NEGR1: variants seen among roughly 807,000 people sequenced by gnomAD.
The protein encoded by NEGR1 is IgLON family member 4.
A neutral mutation model predicts 40.9 loss-of-function variants in NEGR1; 10 were observed. The ratio of observed to expected loss-of-function variants is 0.24; its 90% CI spans 0.15 to 0.42. The LOEUF is 0.42. Among genes scored for constraint, NEGR1 ranks in the 10% least tolerant of loss-of-function variants. The probability of loss-of-function intolerance (pLI) is 1.00; values close to 1 mark genes in which losing one functional copy is unlikely to be tolerated. For missense variants in NEGR1, 352 were observed against 438.9 expected (o/e 0.80, Z 1.77); for synonymous variants, 185 against 166.8 (o/e 1.11, Z -0.84).
intron 2 of NEGR1, among the ~76,000 whole-genome samples, chr1:71,844,943 G>A (rs1221519232): frequency 2.0e-5 from 3 of 152,112 alleles, no homozygotes; most frequent in Non-Finnish European, 4.4e-5. Flanking sequence ...CCTTCTATAG[G>A]AGTTCAGATT....
chr1:71,524,315 A>AGTATGT (rs1647190852), intron 6 of NEGR1, among the ~76,000 whole-genome samples: 1 of 140,566 alleles, frequency 7.1e-6, no homozygotes, highest in Admixed American at 7.2e-5. Flanking sequence ...TTTAAATAGG[A>AGTATGT]GTGTGTGTGT....
intron 4 of NEGR1, among the ~76,000 whole-genome samples, chr1:71,696,204 C>T (rs911286057): frequency 2.0e-5 from 3 of 151,656 alleles, no homozygotes; most frequent in Non-Finnish European, 4.4e-5. Context: ...CAAGTTTCTG[C>T]CTCCTTAAGT....
chr1:71,817,540 A>G (rs1019321910), intron 2 of NEGR1, among the ~76,000 whole-genome samples: 1 of 152,066 alleles, frequency 6.6e-6, no homozygotes, highest in Non-Finnish European at 1.5e-5. Flanking sequence ...CTGGACAGTC[A>G]ATACCAGGAC....
chr1:71,976,992 G>T (rs1265754027), intron 1 of NEGR1, among the ~76,000 whole-genome samples: 2 of 152,094 alleles, frequency 1.3e-5, no homozygotes, highest in African/African-American at 2.4e-5. Context: ...TTAGATAATA[G>T]TTACAGAATT....
chr1:71,875,159 T>C (rs1400377428), intron 2 of NEGR1, among the ~76,000 whole-genome samples: 15 of 152,146 alleles, frequency 9.9e-5, no homozygotes, highest in Admixed American at 9.8e-4. Flanking sequence ...GTTTTTCGTT[T>C]CTATAAAAGT....
chr1:71,580,316 G>C (rs540677037), intron 6 of NEGR1, among the ~76,000 whole-genome samples: 1 of 150,504 alleles, frequency 6.6e-6, no homozygotes, highest in African/African-American at 2.5e-5. Flanking sequence ...GTGGGGCATG[G>C]GGAGGGGGGA....
chr1:71,853,525 A>G (rs1305313124), intron 2 of NEGR1, among the ~76,000 whole-genome samples: 1 of 152,114 alleles, frequency 6.6e-6, no homozygotes, highest in South Asian at 2.1e-4. Flanking sequence ...CTTTGTCTTG[A>G]AAAATGCCAT....
intron 1 of NEGR1, among the ~76,000 whole-genome samples, chr1:72,110,221 TAAAAA>T (rs57618301): frequency 3.4e-4 from 36 of 106,966 alleles, no homozygotes; most frequent in South Asian, 1.6e-3. Flanking sequence ...TAGAGTATAA[TAAAAA>T]AAAAAAAAAA....
Position 71,399,546 on chromosome 1 carries a change from C to T in NEGR1, c.*7900G>A, listed in dbSNP as rs1373266901. On this transcript the variant is annotated 3_prime_UTR_variant, in exon 7 of 7. Coordinates refer to ENST00000357731, the MANE Select transcript of NEGR1 (RefSeq NM_173808.3). ...ACTGTTGGTTGCACTGTTGTCATTT[C>T]TTCTTCTACTTTAAAAAAATTATTC... 4 of 152,132 alleles carry T rather than the reference C, an allele frequency of 2.6e-5. No individual in the cohort carries two copies. Among genetic ancestry groups the T allele is most frequent in the Non-Finnish European group, 4.4e-5 (3 of 67,996 alleles). 9.4% of individuals were successfully genotyped at this position (152,132 alleles called of 1,614,324 possible). A position where few individuals can be genotyped will look rare whatever the true frequency, so the allele number is the denominator to read the frequency against.
chr1:72,191,666 T>C (rs1215152024), intron 1 of NEGR1, among the ~76,000 whole-genome samples: 1 of 151,904 alleles, frequency 6.6e-6, no homozygotes, highest in East Asian at 1.9e-4. Flanking sequence ...TTCATACATT[T>C]ATTTTATGAT....
At chr1:72,207,721 G>A (rs1653461412) in intron 1 of NEGR1, among the ~76,000 whole-genome samples, 1 of 151,712 alleles carries the variant, frequency 6.6e-6, no homozygotes, top group South Asian at 2.1e-4. Flanking sequence ...ATCGTGCTCA[G>A]TATCTGGCTA....
At chr1:72,174,801 A>T (rs185508692) in intron 1 of NEGR1, among the ~76,000 whole-genome samples, 213 of 152,252 alleles carry the variant, frequency 1.4e-3, no homozygotes, top group Non-Finnish European at 2.4e-3. Context: ...CCTCTATAAC[A>T]TTGTATTATC....
At chr1:71,537,978 A>G (rs1346177587) in intron 6 of NEGR1, among the ~76,000 whole-genome samples, 3 of 151,736 alleles carry the variant, frequency 2.0e-5, no homozygotes, top group Non-Finnish European at 4.4e-5. Flanking sequence ...GGAATATATC[A>G]CTGTGGGCTA....
chr1:71,781,321 C>A (rs188598683), intron 2 of NEGR1, among the ~76,000 whole-genome samples: 117 of 152,140 alleles, frequency 7.7e-4, no homozygotes, highest in African/African-American at 2.7e-3. Context: ...GCACCTGAAC[C>A]AATATTAACT....
chr1:71,962,146 G>A (rs923004466), intron 1 of NEGR1, among the ~76,000 whole-genome samples: 13 of 151,992 alleles, frequency 8.6e-5, no homozygotes, highest in Non-Finnish European at 1.6e-4. Context: ...TGAGACAGAA[G>A]GAAAAGGATC....
chr1:71,438,658 C>T (rs1276842330), intron 6 of NEGR1, among the ~76,000 whole-genome samples: 2 of 152,290 alleles, frequency 1.3e-5, no homozygotes, highest in East Asian at 3.9e-4. Context: ...GCCTTACTAA[C>T]CTTAGTTATG....
Position 71,399,187 on chromosome 1 carries a change from T to C in NEGR1, c.*8259A>G, listed in dbSNP as rs1646230458. On this transcript the variant is annotated 3_prime_UTR_variant, in exon 7 of 7. Transcript: ENST00000357731. ...TTAATACATTTTGAAACCTGAATAA[T>C]GAGAGAGCAGGAATTCTGAACACAC... The C allele has an allele frequency of 6.6e-6, 1 of 152,012 alleles. No individual in the cohort carries two copies. The highest frequency in any genetic ancestry group is 2.4e-5 in the African/African-American group (1 of 41,400). 9.4% of individuals were successfully genotyped at this position (152,012 alleles called of 1,614,324 possible). A position where few individuals can be genotyped will look rare whatever the true frequency, so the allele number is the denominator to read the frequency against.
intron 6 of NEGR1, chr1:71,486,291 C>A (rs1037682355): frequency 1.3e-5 from 2 of 151,486 alleles, no homozygotes; most frequent in African/African-American, 4.8e-5. Context: ...TTAAAAAAAT[C>A]AGATTGTGTT....
At chr1:72,281,690 A>C (rs1264489915) in intron 1 of NEGR1, among the ~76,000 whole-genome samples, 1 of 152,116 alleles carries the variant, frequency 6.6e-6, no homozygotes, top group Non-Finnish European at 1.5e-5. Flanking sequence ...AAAAATGAGA[A>C]AATATGAGAA....
Sources: allele counts gnomAD v4.1 joint callset (sites outside exome capture counted in the v4.1 genomes callset), GRCh38; gene constraint gnomAD v4.1.1; transcripts MANE v1.5; gene names NCBI Gene and HGNC (gene_info 2026-07-23, HGNC 2026-07-21).